Variants in AKAP17A observed in about 807,000 individuals in gnomAD.
AKAP17A encodes A-kinase anchoring protein 17A, also known as A-kinase anchor protein 17A.
AKAP17A carries 15 observed loss-of-function variants against 52.2 expected under a neutral mutation model. That is an observed-to-expected ratio of 0.29 (90% CI 0.19 to 0.44). AKAP17A has a LOEUF of 0.44. Ranked by LOEUF, AKAP17A falls within the 20% of genes least tolerant of loss-of-function variation. The probability of loss-of-function intolerance (pLI) is 1.00; values close to 1 mark genes in which losing one functional copy is unlikely to be tolerated. For missense variants in AKAP17A, 1,060 were observed against 1,007.0 expected, an observed-to-expected ratio of 1.05 and a Z score of -0.71; for synonymous variants, 514 against 424.7, an observed-to-expected ratio of 1.21 and a Z score of -2.58.
At position 1,600,766 on chromosome X, in the gene AKAP17A, G is replaced by A. The variant is rs748134641; in HGVS notation, c.1260G>A (p.Glu420=). The A allele has an allele frequency of 1.3e-6, 2 of 1,567,514 alleles. No homozygotes were observed. The highest frequency in any genetic ancestry group is 1.7e-6 in the Non-Finnish European group (2 of 1,161,426). ...QEAELRRVEE[E]KERALGLQRK... is the part of the protein sequence containing the mutation. ...CCGAGCTGCGGCGCGTGGAGGAGGA[G>A]AAGGAGCGCGCGCTGGGCCTGCAGC... Residue 420 remains glutamate (E), a synonymous_variant, in exon 5 of 5, where the codon GAG becomes GAA. Transcript: ENST00000313871.
In AKAP17A at chrX:1,601,691, A is replaced by C; in HGVS notation, c.*97A>C. On this transcript the variant is annotated 3_prime_UTR_variant, in exon 5 of 5. Transcript: ENST00000313871. Reference sequence around the variant, plus strand: ...GGCCGCTCTCCGTCCACCCCTGCAAAGCCAAGACCCTTCTGCAGCCACGAA... The same window carrying C: ...GGCCGCTCTCCGTCCACCCCTGCAACGCCAAGACCCTTCTGCAGCCACGAA... The C allele has an allele frequency of 8.4e-7, 1 of 1,193,640 alleles. No homozygotes were observed. Among genetic ancestry groups the C allele is most frequent in the Admixed American group, 3.7e-5 (1 of 27,310 alleles). The allele number at this position is 1,193,640 out of a possible 1,614,324, so 73.9% of individuals were successfully genotyped here. A position where few individuals can be genotyped will look rare whatever the true frequency, so the allele number is the denominator to read the frequency against.
Position 1,601,342 on chromosome X carries a change from G to C in AKAP17A, c.1836G>C (p.Arg612Ser). 1 of 1,594,462 alleles carries C rather than the reference G, an allele frequency of 6.3e-7. No homozygotes were observed. Among genetic ancestry groups the C allele is most frequent in the Non-Finnish European group, 8.5e-7 (1 of 1,173,800 alleles). The change falls in exon 5 of 5, where the codon AGG becomes AGC. Residue 612 changes from arginine (R) to serine (S), a missense_variant. Arg to Ser is a moderately radical substitution (Grantham distance 110). Coordinates refer to ENST00000313871, the MANE Select transcript of AKAP17A (RefSeq NM_005088.3). The stretch of plus-strand genomic sequence containing the variant: ...GCCGGGCCAGGCGGGCCAGCAGCAG[G>C]GAGGACGGGAGGCCACGCAAGGAGC... The part of the protein sequence containing the change: ...ERSRARRASS[R>S]EDGRPRKERR...
chrX:1,600,902 C>T lies in AKAP17A; in HGVS notation c.1396C>T (p.Pro466Ser), dbSNP rs1407389367. The change falls in exon 5 of 5, where the codon CCC becomes TCC. Residue 466 changes from proline (P) to serine (S), a missense_variant. Physicochemically the swap from Pro to Ser is moderately conservative, Grantham distance 74 (BLOSUM62 -1). Around this residue, in one of 2 missense-constraint regions of AKAP17A, gnomAD observed 793 missense variants for 629.9 expected, o/e 1.26. Transcript: ENST00000313871. ...CGTGGCACACGCCGACCTGCTGCAG[C>T]CCGTCCTGGACATCCTGCAGACCGT... ...LGVAHADLLQ[P>S]VLDILQTVSS... 1 of 1,575,784 alleles carries T rather than the reference C, an allele frequency of 6.3e-7. No homozygotes were observed.
rs1933388719 is a variant in AKAP17A at position 1,601,588 on chromosome X, C to T, written c.2082C>T (p.Asn694=). Residue 694 remains asparagine (N), a synonymous_variant, in exon 5 of 5, where the codon AAC becomes AAT. Transcript: ENST00000313871. ...RSPSRHRSTW[N]R ...CGAGCAGGCACCGCAGTACCTGGAA[C>T]AGGTAATGACGGGCACGGCCTCCCC... The T allele has an allele frequency of 4.9e-6, 7 of 1,434,822 alleles. No individual in the cohort carries two copies. The East Asian group carries it at 1.3e-4, about 26-fold the overall frequency. 88.9% of individuals were successfully genotyped at this position (1,434,822 alleles called of 1,614,324 possible). A position where few individuals can be genotyped will look rare whatever the true frequency, so the allele number is the denominator to read the frequency against.
Position 1,593,545 on chromosome X carries a change from C to T in AKAP17A, c.83C>T (p.Thr28Ile). The change falls in exon 2 of 5, where the codon ACC (threonine) becomes ATC (isoleucine). Residue 28 changes from threonine to isoleucine, a missense_variant. Coordinates refer to ENST00000313871, the MANE Select transcript of AKAP17A (RefSeq NM_005088.3). ...TACGGCTTGTACCTGAAGCCCATCACCAAGATGACCATCAGCGTGGCACTC... is the reference window on the plus strand; with the variant it reads ...TACGGCTTGTACCTGAAGCCCATCATCAAGATGACCATCAGCGTGGCACTC... Reference protein sequence around the residue: ...PAYGLYLKPITKMTISVALPQ... With the variant: ...PAYGLYLKPIIKMTISVALPQ... 6.2e-7 allele frequency: 1 copy of T among 1,613,696 alleles called. No homozygotes were observed. Among genetic ancestry groups the T allele is most frequent in the Non-Finnish European group, 8.5e-7 (1 of 1,179,864 alleles).
At position 1,602,062 on chromosome X, in the gene AKAP17A, T is replaced by G; in HGVS notation, c.*468T>G. 1 of 158,786 alleles carries G rather than the reference T, an allele frequency of 6.3e-6. No individual in the cohort carries two copies. The allele number at this position is 158,786 out of a possible 1,614,324, so 9.8% of individuals were successfully genotyped here. A position where few individuals can be genotyped will look rare whatever the true frequency, so the allele number is the denominator to read the frequency against. On this transcript the variant is annotated 3_prime_UTR_variant, in exon 5 of 5. Transcript: ENST00000313871. Reference sequence around the variant, plus strand: ...TTTCCCCCCCGTTTGTAATGTTAACTGATCAGGAAGTGCAGTTTGGGTGGG... The same window carrying G: ...TTTCCCCCCCGTTTGTAATGTTAACGGATCAGGAAGTGCAGTTTGGGTGGG...
intron 1 of AKAP17A, among the ~76,000 whole-genome samples, chrX:1,592,721 C>T (rs1208061918): frequency 1.3e-5 from 2 of 152,132 alleles, no homozygotes; most frequent in African/African-American, 2.4e-5. Context: ...GCTTCCTCTA[C>T]TTGGACTTGG....
intron 3 of AKAP17A, among the ~76,000 whole-genome samples, chrX:1,596,076 C>G (rs1339423549): frequency 6.6e-6 from 1 of 152,016 alleles, no homozygotes; most frequent in Non-Finnish European, 1.5e-5. Flanking sequence ...CAGGACCGCG[C>G]CTTGCCCGAA....
At position 1,593,926 on chromosome X, in the gene AKAP17A, C is replaced by T; in HGVS notation, c.464C>T (p.Pro155Leu). ...RPDTIHLEGL[P>L]CKWFALKESG... ...GACACCATCCACCTGGAGGGGCTGCCCTGCAAGTGGTTCGCCCTGAAGGAG... is the reference window on the plus strand; with the variant it reads ...GACACCATCCACCTGGAGGGGCTGCTCTGCAAGTGGTTCGCCCTGAAGGAG... Residue 155 changes from proline (P) to leucine (L), a missense_variant, in exon 2 of 5, where the codon CCC (proline) becomes CTC (leucine). Transcript: ENST00000313871. 2 of 1,610,866 alleles carry T rather than the reference C, an allele frequency of 1.2e-6. No homozygotes were observed. The highest frequency in any genetic ancestry group is 8.5e-7 in the Non-Finnish European group (1 of 1,178,106).
In AKAP17A at chrX:1,599,851, G is replaced by T. The variant is rs1346244258; in HGVS notation, c.1152+419G>T. The T allele has an allele frequency of 3.4e-5, 20 of 593,502 alleles. 1 individual carries two copies. Among genetic ancestry groups the T allele is most frequent in the Non-Finnish European group, 5.4e-5 (18 of 333,506 alleles). 36.8% of individuals were successfully genotyped at this position (593,502 alleles called of 1,614,324 possible). On this transcript the variant is annotated intron_variant, in intron 4 of 4. Transcript: ENST00000313871. ...GCAGAGGGGCAAGGTGGGCTGGGGGGAGGGCTGAGCGCACAGAGGGGGCCT... is the reference window on the plus strand; with the variant it reads ...GCAGAGGGGCAAGGTGGGCTGGGGGTAGGGCTGAGCGCACAGAGGGGGCCT...
intron 4 of AKAP17A, chrX:1,600,062 C>T: frequency 2.2e-6 from 2 of 918,612 alleles, no homozygotes; most frequent in East Asian, 5.8e-5. Context: ...CCCCGGCACG[C>T]TCCTTGTCCT....
chrX:1,596,360 C>A (rs1463489126), intron 3 of AKAP17A, among the ~76,000 whole-genome samples: 2 of 152,012 alleles, frequency 1.3e-5, no homozygotes, highest in Non-Finnish European at 2.9e-5. Context: ...CTCTTTGTAG[C>A]CCCTTTTATC....
intron 4 of AKAP17A, chrX:1,600,061 G>T (rs1390155943): frequency 4.4e-6 from 4 of 907,564 alleles, no homozygotes; most frequent in South Asian, 1.4e-5. Context: ...TCCCCGGCAC[G>T]CTCCTTGTCC....
At chrX:1,592,610 A>G (rs1932857983) in intron 1 of AKAP17A, among the ~76,000 whole-genome samples, 1 of 151,676 alleles carries the variant, frequency 6.6e-6, no homozygotes. Context: ...GGCTTGGGCG[A>G]GGAGGCCGTC....
At chrX:1,595,554 C>T (rs1385478028) in intron 3 of AKAP17A, 22 bp downstream of exon 3, 1 of 1,613,046 alleles carries the variant, frequency 6.2e-7, no homozygotes, top group Non-Finnish European at 8.5e-7. Flanking sequence ...GGGAGCGGGC[C>T]CTCGGCGCTG....
chrX:1,600,971 G>C lies in AKAP17A; in HGVS notation c.1465G>C (p.Gly489Arg). The part of the protein sequence containing the change: ...VSATTLHPLG[G>R]QPPAGAPKES... The stretch of plus-strand genomic sequence containing the variant: ...CGCCACCACGCTGCACCCCCTCGGG[G>C]GCCAGCCCCCGGCCGGTGCCCCCAA... The change falls in exon 5 of 5, where the codon GGC becomes CGC. Residue 489 changes from glycine to arginine, a missense_variant. Coordinates refer to ENST00000313871, the MANE Select transcript of AKAP17A (RefSeq NM_005088.3). 1 of 1,592,542 alleles carries C rather than the reference G, an allele frequency of 6.3e-7. No individual in the cohort carries two copies. The highest frequency in any genetic ancestry group is 8.5e-7 in the Non-Finnish European group (1 of 1,171,236).
intron 4 of AKAP17A, 197 bp downstream of exon 4, chrX:1,599,629 G>A: frequency 1.2e-6 from 1 of 830,168 alleles, no homozygotes; most frequent in Non-Finnish European, 2.0e-6. Flanking sequence ...TGATTTCAGA[G>A]CTGTGACGGT....
chrX:1,597,630 AGTGG>A (rs1933077477), intron 3 of AKAP17A, among the ~76,000 whole-genome samples: 2 of 150,650 alleles, frequency 1.3e-5, no homozygotes, highest in Non-Finnish European at 3.0e-5. Flanking sequence ...GGAAGTGTGG[AGTGG>A]GACTCAGAGC....
chrX:1,595,978 G>A (rs1296312321), intron 3 of AKAP17A, among the ~76,000 whole-genome samples: 5 of 152,144 alleles, frequency 3.3e-5, no homozygotes, highest in Admixed American at 6.6e-5. Flanking sequence ...GAGGACCTGC[G>A]TGAGTGGCTG....
Sources: gnomAD v4.1 joint callset for allele counts (sites outside exome capture counted in the v4.1 genomes callset) on GRCh38, gnomAD v4.1.1 for gene constraint, gnomAD v4.1.1 regional missense constraint, MANE v1.5 for transcripts, NCBI Gene and HGNC (gene_info 2026-07-23, HGNC 2026-07-21) for gene names.